Variants in PRDM10 observed in about 807,000 individuals in gnomAD.
PRDM10 encodes PR domain zinc finger protein 10.
PRDM10 carries 65 observed loss-of-function variants against 133.1 expected under a neutral mutation model. The ratio of observed to expected loss-of-function variants is 0.49; its 90% CI spans 0.40 to 0.60. PRDM10 has a LOEUF of 0.60. Among genes scored for constraint, PRDM10 ranks in the 20% least tolerant of loss-of-function variants. The pLI, the probability that PRDM10 is intolerant of heterozygous loss-of-function variation, is 0.00. For missense variants in PRDM10, 1,137 were observed against 1,507.1 expected (o/e 0.75, Z 4.07); for synonymous variants, 582 against 580.4 (o/e 1.00, Z -0.04).
chr11:129,929,295 C>G (rs1292054623), intron 11 of PRDM10: 1 of 957,124 alleles, frequency 1.0e-6, no homozygotes, highest in Non-Finnish European at 1.5e-6. Flanking sequence ...TTTGCATTTA[C>G]TGTAGCAACC....
intron 1 of PRDM10, among the ~76,000 whole-genome samples, chr11:129,978,970 C>A (rs919808337): frequency 6.6e-6 from 1 of 152,132 alleles, no homozygotes; most frequent in Admixed American, 6.6e-5. Context: ...TCACTCAGAA[C>A]GAAGAAACAT....
intron 15 of PRDM10, 107 bp downstream of exon 15, chr11:129,917,020 T>C (rs1402495919): frequency 5.7e-6 from 4 of 695,658 alleles, no homozygotes; most frequent in African/African-American, 5.5e-5. Context: ...CAGGTAACCA[T>C]CTGGTAAGAG....
At chr11:129,984,932 T>G (rs139701480) in intron 1 of PRDM10, among the ~76,000 whole-genome samples, 13 of 152,306 alleles carry the variant, frequency 8.5e-5, no homozygotes, top group African/African-American at 3.1e-4. Flanking sequence ...ACCTCCTCAG[T>G]AGGCTTTTTT....
chr11:129,954,543 G>C (rs913401684), intron 4 of PRDM10, among the ~76,000 whole-genome samples: 4 of 152,116 alleles, frequency 2.6e-5, no homozygotes, highest in Admixed American at 2.6e-4. Flanking sequence ...GGGATTACAC[G>C]TGTGAGCCAT....
In PRDM10 at chr11:129,947,193, C is replaced by A. The variant is rs1379763863; in HGVS notation, c.472G>T (p.Asp158Tyr). The A allele has an allele frequency of 6.2e-7, 1 of 1,614,182 alleles. No homozygotes were observed. Among genetic ancestry groups the A allele is most frequent in the Non-Finnish European group, 8.5e-7 (1 of 1,180,028 alleles). Residue 158 changes from aspartate (D) to tyrosine (Y), a missense_variant, in exon 5 of 21, where the codon GAT (aspartate) becomes TAT (tyrosine). Asp to Tyr is a radical substitution (Grantham distance 160). Around this residue, in one of 6 missense-constraint regions of PRDM10, gnomAD observed 635 missense variants for 835.2 expected, o/e 0.76. Transcript: ENST00000360871. The surrounding 1 kb of genome is among the most constrained non-coding windows in gnomAD (Gnocchi z 4.6). ...CGGGGCGGGTCTGGCTCCCAGTCATCCAGATCCGTGTCCTCACCGTCTTCT... is the reference window on the plus strand; with the variant it reads ...CGGGGCGGGTCTGGCTCCCAGTCATACAGATCCGTGTCCTCACCGTCTTCT... ...EEEDGEDTDL[D>Y]DWEPDPPRPF...
At chr11:129,902,591 G>A in intron 20 of PRDM10, 75 bp from the exon 21 acceptor site, 1 of 1,524,156 alleles carries the variant, frequency 6.6e-7, no homozygotes, top group Non-Finnish European at 8.8e-7. Flanking sequence ...GAAGGAGGGA[G>A]ATGTGAAGAA....
intron 4 of PRDM10, among the ~76,000 whole-genome samples, chr11:129,952,793 T>C (rs1951611618): frequency 6.6e-6 from 1 of 151,608 alleles, no homozygotes; most frequent in South Asian, 2.1e-4. Flanking sequence ...GTGCTGGGAT[T>C]ATAGATGTGA....
intron 7 of PRDM10, among the ~76,000 whole-genome samples, chr11:129,939,959 T>TA (rs1335333144): frequency 6.6e-6 from 1 of 152,210 alleles, no homozygotes; most frequent in Non-Finnish European, 1.5e-5. Context: ...GCAGAACACT[T>TA]ATTTTTAAAA....
chr11:129,991,680 G>A (rs997950595), intron 1 of PRDM10, among the ~76,000 whole-genome samples: 3 of 152,152 alleles, frequency 2.0e-5, no homozygotes, highest in East Asian at 1.9e-4. Context: ...TTAGCTGGGC[G>A]TAGTGGCACG....
intron 1 of PRDM10, among the ~76,000 whole-genome samples, chr11:129,984,852 C>T (rs573889592): frequency 2.0e-5 from 3 of 152,306 alleles, no homozygotes; most frequent in Non-Finnish European, 2.9e-5. Context: ...ATCTCCTCTG[C>T]GAGGATGCTT....
Position 129,937,653 on chromosome 11 carries a change from G to A in PRDM10, c.984C>T (p.Ser328=). ...KQELKVWYAA[S]YAEFVNQKIH... is the part of the protein sequence containing the mutation. ...TTTTCTGGTTCACGAACTCAGCATA[G>A]GATGCGGCATACCACACCTGCAAGA... Residue 328 remains serine (S), a synonymous_variant, in exon 8 of 21, where the codon TCC becomes TCT. Transcript: ENST00000360871. 6.2e-7 allele frequency: 1 copy of A among 1,613,470 alleles called. No homozygotes were observed. The highest frequency in any genetic ancestry group is 8.5e-7 in the Non-Finnish European group (1 of 1,179,894).
chr11:129,904,180 A>G (rs1949937911), intron 20 of PRDM10, among the ~76,000 whole-genome samples: 1 of 149,792 alleles, frequency 6.7e-6, no homozygotes, highest in African/African-American at 2.5e-5. Context: ...AAAAAAGGAG[A>G]AAAAAAATCA....
intron 1 of PRDM10, among the ~76,000 whole-genome samples, chr11:129,974,693 G>A (rs944165772): frequency 2.6e-5 from 4 of 152,118 alleles, no homozygotes; most frequent in Non-Finnish European, 4.4e-5. Flanking sequence ...CTTGCTGGGC[G>A]CCCACCATTC....
intron 6 of PRDM10, among the ~76,000 whole-genome samples, chr11:129,943,270 A>G (rs990373285): frequency 6.6e-6 from 1 of 152,240 alleles, no homozygotes; most frequent in Non-Finnish European, 1.5e-5. Context: ...ACCAGAGTCT[A>G]CAGGTCAGAC....
intron 20 of PRDM10, among the ~76,000 whole-genome samples, chr11:129,904,758 C>T (rs537328219): frequency 6.6e-6 from 1 of 152,192 alleles, no homozygotes; most frequent in African/African-American, 2.4e-5. Context: ...CCTTGGCCCC[C>T]CAAAGTGTTG....
At chr11:129,907,503 C>G (rs569152622) in intron 19 of PRDM10, among the ~76,000 whole-genome samples, 51 of 152,216 alleles carry the variant, frequency 3.4e-4, no homozygotes, top group Middle Eastern at 3.4e-3. Flanking sequence ...CTCCTGGATT[C>G]AAGCGATTCT....
intron 11 of PRDM10, among the ~76,000 whole-genome samples, chr11:129,925,926 G>A (rs1207545864): frequency 1.3e-5 from 2 of 152,164 alleles, no homozygotes; most frequent in African/African-American, 4.8e-5. Context: ...TTTATGCCAC[G>A]AGAATTTCTT....
chr11:129,902,205 A>G lies in PRDM10; in HGVS notation c.*108T>C, dbSNP rs370424086. 229 of 1,423,050 alleles carry G rather than the reference A, an allele frequency of 1.6e-4. No individual in the cohort carries two copies. Among genetic ancestry groups the G allele is most frequent in the Middle Eastern group, 5.2e-4 (2 of 3,872 alleles). The allele number at this position is 1,423,050 out of a possible 1,614,324, so 88.2% of individuals were successfully genotyped here. A position where few individuals can be genotyped will look rare whatever the true frequency, so the allele number is the denominator to read the frequency against. On this transcript the variant is annotated 3_prime_UTR_variant, in exon 21 of 21. Transcript: ENST00000360871. ...TGAGAGACAAAACTGTGGTTTCCGA[A>G]CTCTTGAGTGAATAATAAATCTTAC... is the stretch of plus-strand genomic sequence containing the variant.
At chr11:129,965,825 T>C (rs1951896701) in intron 1 of PRDM10, among the ~76,000 whole-genome samples, 1 of 152,200 alleles carries the variant, frequency 6.6e-6, no homozygotes, top group African/African-American at 2.4e-5. Flanking sequence ...AACAGCATTG[T>C]ACAGTATCTA....
Sources: allele counts gnomAD v4.1 joint callset (sites outside exome capture counted in the v4.1 genomes callset), GRCh38; gene constraint gnomAD v4.1.1; regional missense constraint gnomAD v4.1.1; non-coding constraint Gnocchi (gnomAD v3.1); transcripts MANE v1.5; gene names NCBI Gene and HGNC (gene_info 2026-07-23, HGNC 2026-07-21).